The following ANK2 variants were observed in gnomAD, a reference collection of about 807,000 sequenced individuals.
ANK2 encodes the protein ankyrin 2, also known as ankyrin-2.
ANK2 carries 83 observed loss-of-function variants against 360.5 expected under a neutral mutation model. The ratio of observed to expected loss-of-function variants is 0.23; its 90% confidence interval spans 0.19 to 0.28. The LOEUF is 0.28. Ranked by LOEUF, ANK2 falls within the 10% of genes least tolerant of loss-of-function variation. ANK2 has a pLI of 1.00. For missense variants in ANK2, 4,201 were observed against 4,795.7 expected, an observed-to-expected ratio of 0.88 and a Z score of 3.66; for synonymous variants, 1,740 against 1,759.5, an observed-to-expected ratio of 0.99 and a Z score of 0.28.
rs1359599500 is a variant in ANK2 at position 113,185,721 on chromosome 4, C to G, written c.187-10647C>G. ...AGAAGCTCTTTAGTTTAATTAGATC[C>G]CATTTGTCAATTTTGGCTGTTGTTG... On this transcript the variant is annotated intron_variant, in intron 2 of 45. Transcript: ENST00000357077. Among the ~76,000 whole-genome samples, 3 of 152,222 alleles carry G rather than the reference C, an allele frequency of 2.0e-5. No individual in the cohort carries two copies. The East Asian group carries it at 5.8e-4, about 29-fold the overall frequency.
the ANK2 span, among the ~76,000 whole-genome samples, chr4:112,749,850 A>C: frequency 6.6e-6 from 1 of 151,686 alleles, no homozygotes; most frequent in Non-Finnish European, 1.5e-5. Context: ...GGTTCAAGCC[A>C]CTCTCCTGCC....
intron 2 of ANK2, among the ~76,000 whole-genome samples, chr4:113,024,606 A>G (rs74773269): frequency 1.9e-3 from 288 of 152,326 alleles, no homozygotes; most frequent in African/African-American, 6.5e-3. Flanking sequence ...ATTGCAAAGT[A>G]CTTAAGGACA....
Position 113,159,756 on chromosome 4 carries a change from C to T in ANK2, c.85-14660C>T, listed in dbSNP as rs1332602615. Among the ~76,000 whole-genome samples the T allele has an allele frequency of 2.7e-5, 4 of 150,772 alleles. No homozygotes were observed. The Admixed American group carries it at 2.7e-4, about 10-fold the overall frequency. On this transcript the variant is annotated intron_variant, in intron 1 of 45. Transcript: ENST00000357077. ...CTGAGTAGCTGGGATTATAGGCACC[C>T]ACCACCACGCCCGGCTAATTTTTAT...
rs1587444161 is a variant in ANK2, at chr4:113,293,514, T to C, written c.2451T>C (p.Thr817=). Reference sequence around the variant, plus strand: ...TGGTCGACACCCTGAAGGTTGTGACTGAGGAGGTCACCACCACCACCACAG... The same window carrying C: ...TGGTCGACACCCTGAAGGTTGTGACCGAGGAGGTCACCACCACCACCACAG... ...ISVVDTLKVV[T]EEVTTTTTTI... is the part of the protein sequence containing the mutation. Residue 817 remains threonine, a synonymous_variant, in exon 22 of 46, where the codon ACT becomes ACC. Transcript: ENST00000357077. 6.2e-7 allele frequency: 1 copy of C among 1,613,658 alleles called. No homozygotes were observed. Among genetic ancestry groups the C allele is most frequent in the Non-Finnish European group, 8.5e-7 (1 of 1,179,972 alleles).
At chr4:112,767,523 T>G in the ANK2 span, among the ~76,000 whole-genome samples, 1 of 151,884 alleles carries the variant, frequency 6.6e-6, no homozygotes, top group Non-Finnish European at 1.5e-5. Context: ...ATTGTGTCAC[T>G]GCACTCCAGC....
intron 2 of ANK2, among the ~76,000 whole-genome samples, chr4:112,964,573 C>CTT (rs1434179621): frequency 1.8e-4 from 25 of 138,792 alleles, no homozygotes; most frequent in Admixed American, 6.6e-4. Flanking sequence ...TTTCTTTTTT[C>CTT]TTTTTTTTTT....
intron 5 of ANK2, among the ~76,000 whole-genome samples, chr4:113,236,532 C>G (rs553581915): frequency 6.6e-6 from 1 of 152,154 alleles, no homozygotes; most frequent in Non-Finnish European, 1.5e-5. Context: ...TTTTCCCTAA[C>G]CATTCAGATA....
At chr4:112,933,904 ATT>A (rs36126738) in intron 2 of ANK2, among the ~76,000 whole-genome samples, 1 of 147,830 alleles carries the variant, frequency 6.8e-6, no homozygotes, top group South Asian at 2.1e-4. Context: ...ACCTTGTGGA[ATT>A]TTTTTTTTTT....
chr4:112,907,715 T>A (rs575326317), intron 2 of ANK2, among the ~76,000 whole-genome samples: 4 of 152,230 alleles, frequency 2.6e-5, no homozygotes. Flanking sequence ...TAACCTAAAG[T>A]ATAAATTCTT....
chr4:112,987,702 G>T (rs2045407982), intron 2 of ANK2, among the ~76,000 whole-genome samples: 1 of 151,958 alleles, frequency 6.6e-6, no homozygotes, highest in Admixed American at 6.6e-5. Flanking sequence ...AGAAACAACT[G>T]TAACATATAT....
At chr4:112,883,892 G>GTA (rs1301376184) in intron 1 of ANK2, among the ~76,000 whole-genome samples, 414 of 147,524 alleles carry the variant, frequency 2.8e-3, no homozygotes, top group African/African-American at 8.3e-3. Context: ...ATATATATGT[G>GTA]TATATATATA....
intron 20 of ANK2, among the ~76,000 whole-genome samples, 195 bp from the exon 21 acceptor site, chr4:113,292,216 GTCTCT>G (rs1391208341): frequency 2.0e-5 from 3 of 152,144 alleles, no homozygotes; most frequent in Non-Finnish European, 4.4e-5. Flanking sequence ...TCATCAGCTG[GTCTCT>G]TCTCTTTGCT....
rs116117759 is a variant in ANK2 at position 113,330,898 on chromosome 4, T to G, written c.3125+428T>G. 4.9e-3 allele frequency among the ~76,000 whole-genome samples: 754 copies of G among 152,326 alleles called. 7 individuals are homozygous for G. The highest frequency in any genetic ancestry group is 0.016 in the African/African-American group (685 of 41,568). On this transcript the variant is annotated intron_variant, in intron 27 of 45. Transcript: ENST00000357077. The stretch of plus-strand genomic sequence containing the variant: ...CTTTACTTTGGAAAGCAATGTTGCC[T>G]TTACAGAATACCTACAAATTTAATC...
chr4:113,249,634 T>A, intron 9 of ANK2, 130 bp from the exon 10 acceptor site: 1 of 809,238 alleles, frequency 1.2e-6, no homozygotes, highest in Non-Finnish European at 2.1e-6. Flanking sequence ...ATTTAACAAA[T>A]TGCAGTTCTA....
chr4:113,376,351 A>G (rs1409353132), intron 45 of ANK2, among the ~76,000 whole-genome samples: 1 of 152,216 alleles, frequency 6.6e-6, no homozygotes, highest in African/African-American at 2.4e-5. Context: ...CCTATCTAAA[A>G]ATAGAAAAGG....
chr4:112,962,261 G>A (rs2035228167), intron 2 of ANK2, among the ~76,000 whole-genome samples: 2 of 152,034 alleles, frequency 1.3e-5, no homozygotes, highest in South Asian at 2.1e-4. Context: ...AGTAGTCAAT[G>A]TTTAGCTCTC....
At chr4:113,294,256 T>A (rs1237320237) in intron 22 of ANK2, among the ~76,000 whole-genome samples, 1 of 152,158 alleles carries the variant, frequency 6.6e-6, no homozygotes, top group Admixed American at 6.5e-5. Context: ...GGAGCAAAGT[T>A]TAAAGGAGCC....
Position 113,330,262 on chromosome 4 carries a change from A to C in ANK2, c.2917A>C (p.Met973Leu), listed in dbSNP as rs965893148. Residue 973 changes from methionine (M) to leucine (L), a missense_variant, in exon 27 of 46, where the codon ATG becomes CTG. Coordinates refer to ENST00000357077, the MANE Select transcript of ANK2 (RefSeq NM_001148.6). ...PIHSGFLVSF[M>L]VDARGGAMRG... is the part of the protein sequence containing the mutation. Reference sequence around the variant, plus strand: ...AATTTTTAGTTTCCTGGTTAGTTTTATGGTGGATGCCCGAGGTGGTGCTAT... The same window carrying C: ...AATTTTTAGTTTCCTGGTTAGTTTTCTGGTGGATGCCCGAGGTGGTGCTAT... 2 of 1,614,010 alleles carry C rather than the reference A, an allele frequency of 1.2e-6. No homozygotes were observed. The highest frequency in any genetic ancestry group is 2.7e-5 in the African/African-American group (2 of 74,918).
In ANK2 at chr4:113,121,440, A is replaced by G. The variant is rs553230383; in HGVS notation, c.85-52976A>G. ...ACCTTCCTACAGCTGAAAGAAATTTAAATACTGTGATAGTAAATTAAATGA... is the reference window on the plus strand; with the variant it reads ...ACCTTCCTACAGCTGAAAGAAATTTGAATACTGTGATAGTAAATTAAATGA... On this transcript the variant is annotated intron_variant, in intron 1 of 45. Transcript: ENST00000357077. Among the ~76,000 whole-genome samples, 25 of 152,348 alleles carry G rather than the reference A, an allele frequency of 1.6e-4. No individual in the cohort carries two copies. The East Asian group carries it at 4.6e-3, about 28-fold the overall frequency.
Sources: gnomAD v4.1 joint callset for allele counts (sites outside exome capture counted in the v4.1 genomes callset) on GRCh38, gnomAD v4.1.1 for gene constraint, MANE v1.5 for transcripts, NCBI Gene and HGNC (gene_info 2026-07-23, HGNC 2026-07-21) for gene names.